The following SGCZ variants were observed in gnomAD, a reference collection of about 807,000 sequenced individuals.
SGCZ encodes the protein zeta-sarcoglycan.
SGCZ carries 40 observed loss-of-function variants against 41.3 expected under a neutral mutation model. The observed-to-expected ratio is 0.97, with a 90% CI of 0.75 to 1.26. SGCZ has a LOEUF of 1.26. Ranked by LOEUF, SGCZ falls within the 50% of genes most tolerant of loss-of-function variation. The pLI is 0.00. For missense variants in SGCZ, 552 were observed against 369.8 expected, an observed-to-expected ratio of 1.49 and a Z score of -4.04; for synonymous variants, 206 against 137.5, an observed-to-expected ratio of 1.50 and a Z score of -3.49.
chr8:14,548,442 T>C (rs1439882879), intron 2 of SGCZ, among the ~76,000 whole-genome samples: 1 of 152,192 alleles, frequency 6.6e-6, no homozygotes, highest in East Asian at 1.9e-4. Flanking sequence ...TGTTCTTAAA[T>C]TGTTGCATAT....
intron 5 of SGCZ, among the ~76,000 whole-genome samples, chr8:14,116,535 C>A (rs1381543107): frequency 6.6e-6 from 1 of 152,070 alleles, no homozygotes; most frequent in Non-Finnish European, 1.5e-5. Flanking sequence ...GCCTCATAAG[C>A]CTATCATCCA....
intron 2 of SGCZ, among the ~76,000 whole-genome samples, chr8:14,472,812 T>G (rs1220725987): frequency 6.6e-6 from 1 of 152,160 alleles, no homozygotes; most frequent in Non-Finnish European, 1.5e-5. Flanking sequence ...AAATAACTCT[T>G]TATAAAAATG....
intron 2 of SGCZ, among the ~76,000 whole-genome samples, chr8:14,507,196 C>G (rs1402249679): frequency 6.6e-6 from 1 of 152,138 alleles, no homozygotes; most frequent in Admixed American, 6.6e-5. Context: ...CAAGTCAACT[C>G]TGCATTCAAA....
chr8:14,271,396 A>T (rs1016275244), intron 3 of SGCZ, among the ~76,000 whole-genome samples: 3 of 152,208 alleles, frequency 2.0e-5, no homozygotes, highest in Non-Finnish European at 4.4e-5. Context: ...AATATATAAT[A>T]GTAGAGTTAT....
intron 1 of SGCZ, among the ~76,000 whole-genome samples, chr8:14,702,344 G>T (rs1809165085): frequency 6.6e-6 from 1 of 151,658 alleles, no homozygotes; most frequent in Non-Finnish European, 1.5e-5. Flanking sequence ...ATGCTCAAGG[G>T]CTCAGCTTTC....
At chr8:14,866,369 T>A (rs182924744) in intron 1 of SGCZ, among the ~76,000 whole-genome samples, 1 of 152,270 alleles carries the variant, frequency 6.6e-6, no homozygotes, top group East Asian at 1.9e-4. Flanking sequence ...GAGTATTTCA[T>A]TATCAACATT....
At chr8:14,741,057 G>C (rs933349917) in intron 1 of SGCZ, among the ~76,000 whole-genome samples, 3 of 151,976 alleles carry the variant, frequency 2.0e-5, no homozygotes, top group African/African-American at 7.2e-5. Context: ...AAGCAGGTGA[G>C]GGAACAAAGG....
At chr8:14,502,003 C>G (rs1802169860) in intron 2 of SGCZ, among the ~76,000 whole-genome samples, 1 of 151,968 alleles carries the variant, frequency 6.6e-6, no homozygotes, top group Non-Finnish European at 1.5e-5. Flanking sequence ...AGTTTGGGTA[C>G]AACCTTTTTT....
intron 2 of SGCZ, among the ~76,000 whole-genome samples, chr8:14,367,308 C>T (rs1459426173): frequency 6.6e-6 from 1 of 152,068 alleles, no homozygotes; most frequent in East Asian, 1.9e-4. Flanking sequence ...AGCCATTTGA[C>T]ATGTCTCTAG....
intron 1 of SGCZ, among the ~76,000 whole-genome samples, chr8:14,769,146 A>G (rs1161453219): frequency 6.6e-6 from 1 of 152,168 alleles, no homozygotes; most frequent in African/African-American, 2.4e-5. Flanking sequence ...AGCATAGCAG[A>G]AAAACCTTTA....
intron 1 of SGCZ, among the ~76,000 whole-genome samples, chr8:14,957,903 A>G (rs992665596): frequency 2.2e-4 from 34 of 152,052 alleles, no homozygotes; most frequent in Admixed American, 6.6e-4. Context: ...TAAGAGAATG[A>G]CAACAAGACT....
rs1006569375 is a variant in SGCZ at position 14,278,713 on chromosome 8, C to T, written c.337-41034G>A. Among the ~76,000 whole-genome samples the T allele has an allele frequency of 3.9e-4, 60 of 152,180 alleles. 1 individual carries two copies. The highest frequency in any genetic ancestry group is 1.4e-3 in the African/African-American group (58 of 41,542). Reference sequence around the variant, plus strand: ...TCTTTCTAGTATCTAACTGAATATGCTTCTAAGTATCATACCAAACACTTA... The same window carrying T: ...TCTTTCTAGTATCTAACTGAATATGTTTCTAAGTATCATACCAAACACTTA... On this transcript the variant is annotated intron_variant, in intron 3 of 7. Transcript: ENST00000382080.
rs56690396 is a variant in SGCZ, at chr8:15,061,530, TA to T, written c.39+176054del. Among the ~76,000 whole-genome samples the T allele has an allele frequency of 5.4e-3, 772 of 141,974 alleles. 2 individuals carry two copies. Among genetic ancestry groups the T allele is most frequent in the South Asian group, 0.014 (63 of 4,520 alleles). 93.1% of individuals were successfully genotyped at this position (141,974 alleles called of 152,430 possible). A position where few individuals can be genotyped will look rare whatever the true frequency, so the allele number is the denominator to read the frequency against. The stretch of plus-strand genomic sequence containing the variant: ...CATGTATCCCAGAACTTACAGTATA[TA>T]AAAAAAAAAAACAGGAAAAAATTAA... On this transcript the variant is annotated intron_variant, in intron 1 of 7. Transcript: ENST00000382080.
intron 4 of SGCZ, among the ~76,000 whole-genome samples, chr8:14,183,549 A>G (rs1804803489): frequency 6.6e-6 from 1 of 152,188 alleles, no homozygotes; most frequent in Admixed American, 6.5e-5. Flanking sequence ...GGTTTATACT[A>G]GAAAATCATT....
chr8:14,214,189 G>A (rs538653865), intron 4 of SGCZ, among the ~76,000 whole-genome samples: 1 of 152,234 alleles, frequency 6.6e-6, no homozygotes, highest in East Asian at 1.9e-4. Context: ...TTACTTCAGT[G>A]TAATTATCAG....
rs542968395 is a variant in SGCZ, at chr8:15,229,146, C to T, written c.39+8439G>A. ...GGCAGAGGTTGTAGTGAACCGAGAT[C>T]GTGCCACTATACTCCAGCCTGGACA... On this transcript the variant is annotated intron_variant, in intron 1 of 7. Coordinates refer to ENST00000382080, the MANE Select transcript of SGCZ (RefSeq NM_139167.4). Among the ~76,000 whole-genome samples the T allele has an allele frequency of 1.5e-4, 23 of 151,956 alleles. No individual in the cohort carries two copies. In the East Asian group the frequency reaches 2.5e-3, roughly 17 times the overall value.
rs951243929 is a variant in SGCZ at position 14,415,661 on chromosome 8, A to C, written c.235-91457T>G. 4.6e-5 allele frequency among the ~76,000 whole-genome samples: 7 copies of C among 152,096 alleles called. No individual in the cohort carries two copies. The East Asian group carries it at 5.8e-4, about 13-fold the overall frequency. On this transcript the variant is annotated intron_variant, in intron 2 of 7. Coordinates refer to ENST00000382080, the MANE Select transcript of SGCZ (RefSeq NM_139167.4). ...ACACTTTTAAATAACTCCTTAAGAAAAAAGTGAATTTATTAAAGCTGTATT... is the reference window on the plus strand; with the variant it reads ...ACACTTTTAAATAACTCCTTAAGAACAAAGTGAATTTATTAAAGCTGTATT...
intron 2 of SGCZ, among the ~76,000 whole-genome samples, chr8:14,335,146 C>T (rs1314921718): frequency 6.6e-6 from 1 of 152,098 alleles, no homozygotes; most frequent in African/African-American, 2.4e-5. Flanking sequence ...GTTCACGAAG[C>T]TCCTAATCTC....
At chr8:14,520,503 A>G (rs1802756722) in intron 2 of SGCZ, among the ~76,000 whole-genome samples, 1 of 152,148 alleles carries the variant, frequency 6.6e-6, no homozygotes, top group Non-Finnish European at 1.5e-5. Context: ...CCCCAAATAT[A>G]TTTTAAAATG....
Sources: gnomAD v4.1 joint callset for allele counts (sites outside exome capture counted in the v4.1 genomes callset) on GRCh38, gnomAD v4.1.1 for gene constraint, MANE v1.5 for transcripts, NCBI Gene and HGNC (gene_info 2026-07-23, HGNC 2026-07-21) for gene names.